Variants in AKAP6 observed in about 807,000 individuals in gnomAD.
The protein encoded by AKAP6 is A-kinase anchor protein 6.
Under a neutral mutation model 188.5 loss-of-function variants are expected in AKAP6, and 58 were observed. The ratio of observed to expected loss-of-function variants is 0.31; its 90% CI spans 0.25 to 0.38. AKAP6 has a LOEUF of 0.38. Ranked by LOEUF, AKAP6 falls within the 10% of genes least tolerant of loss-of-function variation. AKAP6 has a pLI of 1.00. For missense variants in AKAP6, 2,710 were observed against 2,740.0 expected, an observed-to-expected ratio of 0.99 and a Z score of 0.24; for synonymous variants, 989 against 998.6, an observed-to-expected ratio of 0.99 and a Z score of 0.18.
chr14:32,827,899 G>A (rs1278386983), intron 13 of AKAP6, among the ~76,000 whole-genome samples: 2 of 151,988 alleles, frequency 1.3e-5, no homozygotes, highest in South Asian at 2.1e-4. Flanking sequence ...CATCATATGC[G>A]GCCAGTGTGT....
chr14:32,511,749 C>A (rs1196957458), intron 2 of AKAP6, among the ~76,000 whole-genome samples: 1 of 152,112 alleles, frequency 6.6e-6, no homozygotes, highest in Non-Finnish European at 1.5e-5. Context: ...ATTTTTTCCT[C>A]TTTTCACTGA....
chr14:32,591,579 G>C (rs989648726), intron 5 of AKAP6, among the ~76,000 whole-genome samples: 2 of 150,684 alleles, frequency 1.3e-5, no homozygotes, highest in African/African-American at 4.9e-5. Context: ...TTTATTGTCT[G>C]AGGTTTCAGG....
intron 12 of AKAP6, among the ~76,000 whole-genome samples, chr14:32,812,456 G>T (rs546093211): frequency 1.3e-5 from 2 of 151,956 alleles, no homozygotes; most frequent in African/African-American, 4.8e-5. Context: ...AAATTCCAGG[G>T]AAACACCAAA....
intron 1 of AKAP6, among the ~76,000 whole-genome samples, chr14:32,341,190 G>GT (rs1289216921): frequency 1.3e-5 from 2 of 152,024 alleles, no homozygotes; most frequent in African/African-American, 4.8e-5. Context: ...GTTTCTATTT[G>GT]TTTTTTCTCT....
chr14:32,751,919 A>G (rs866713472), intron 11 of AKAP6, among the ~76,000 whole-genome samples: 64 of 152,334 alleles, frequency 4.2e-4, no homozygotes, highest in African/African-American at 1.4e-3. Context: ...TTTTCAAGAC[A>G]TGAATTGTTT....
intron 7 of AKAP6, among the ~76,000 whole-genome samples, chr14:32,615,663 T>C (rs1201896283): frequency 6.8e-6 from 1 of 147,196 alleles, no homozygotes; most frequent in East Asian, 2.0e-4. Flanking sequence ...TGGCACGATA[T>C]CTGCTCACTG....
chr14:32,729,662 A>T (rs1364291074), intron 9 of AKAP6, among the ~76,000 whole-genome samples: 2 of 152,170 alleles, frequency 1.3e-5, no homozygotes, highest in Non-Finnish European at 2.9e-5. Flanking sequence ...AAGCAAATAC[A>T]CTTAATAATG....
intron 7 of AKAP6, among the ~76,000 whole-genome samples, chr14:32,629,965 A>G (rs1389205035): frequency 6.6e-6 from 1 of 152,080 alleles, no homozygotes; most frequent in Non-Finnish European, 1.5e-5. Context: ...GACTTACTAA[A>G]GCGTTAGTTT....
At chr14:32,698,601 C>T (rs896391284) in intron 9 of AKAP6, among the ~76,000 whole-genome samples, 3 of 152,078 alleles carry the variant, frequency 2.0e-5, no homozygotes, top group African/African-American at 7.2e-5. Context: ...ATGTTCCCCA[C>T]TCATTGTGAC....
At chr14:32,575,924 G>A (rs1476502295) in intron 4 of AKAP6, among the ~76,000 whole-genome samples, 1 of 151,966 alleles carries the variant, frequency 6.6e-6, no homozygotes, top group South Asian at 2.1e-4. Context: ...TAAACAATTT[G>A]TGTTCCTGAG....
chr14:32,377,571 C>T (rs1888199092), intron 1 of AKAP6, among the ~76,000 whole-genome samples: 1 of 152,080 alleles, frequency 6.6e-6, no homozygotes, highest in African/African-American at 2.4e-5. Flanking sequence ...GCTATGAGTA[C>T]AGTCACAGGA....
Position 32,546,246 on chromosome 14 carries a change from T to A in AKAP6, c.1593T>A (p.Asn531Lys). ...ATACAAAGAGCTCAGCAGTGCCAAATGGAGAGCTTTCTTATACTTCCAAGG... is the reference window on the plus strand; with the variant it reads ...ATACAAAGAGCTCAGCAGTGCCAAAAGGAGAGCTTTCTTATACTTCCAAGG... ...AKNTKSSAVPNGELSYTSKAI... is the reference protein window; with the variant it reads ...AKNTKSSAVPKGELSYTSKAI... Residue 531 changes from asparagine to lysine, a missense_variant, in exon 4 of 14, where the codon AAT becomes AAA. By Grantham distance (94) the Asn-to-Lys change is moderately conservative (BLOSUM62 0). Transcript: ENST00000280979. 6.2e-7 allele frequency: 1 copy of A among 1,614,126 alleles called. No homozygotes were observed. Among genetic ancestry groups the A allele is most frequent in the Non-Finnish European group, 8.5e-7 (1 of 1,180,012 alleles).
chr14:32,564,039 T>C (rs1050295159), intron 4 of AKAP6, among the ~76,000 whole-genome samples: 1 of 152,216 alleles, frequency 6.6e-6, no homozygotes, highest in Non-Finnish European at 1.5e-5. Flanking sequence ...AAGTCCCTTA[T>C]GTAAATTGTA....
chr14:32,518,775 G>C (rs1002435527), intron 2 of AKAP6, among the ~76,000 whole-genome samples: 1 of 152,296 alleles, frequency 6.6e-6, no homozygotes, highest in South Asian at 2.1e-4. Context: ...CACTATTCAG[G>C]ATATTATCCA....
In AKAP6 at chr14:32,823,587, A is replaced by G. The variant is rs1208928165; in HGVS notation, c.5774A>G (p.Lys1925Arg). The change falls in exon 13 of 14, where the codon AAA (lysine) becomes AGA (arginine). Residue 1925 changes from lysine to arginine, a missense_variant. Physicochemically the swap from Lys to Arg is conservative, Grantham distance 26. Around this residue, in one of 2 missense-constraint regions of AKAP6, gnomAD observed 2,473 missense variants for 2,426.1 expected, o/e 1.02. Coordinates refer to ENST00000280979, the MANE Select transcript of AKAP6 (RefSeq NM_004274.5). ...TCAGAAAATCTTGGTTCACATGGGA[A>G]AGAGATTTCAGAGAGTGAGCATTGT... ...KVSENLGSHG[K>R]EISESEHCKC... is the part of the protein sequence containing the mutation. 6.2e-7 allele frequency: 1 copy of G among 1,613,846 alleles called. No individual in the cohort carries two copies. The highest frequency in any genetic ancestry group is 8.5e-7 in the Non-Finnish European group (1 of 1,179,934).
rs191310407 is a variant in AKAP6 at position 32,520,280 on chromosome 14, A to G, written c.325-15274A>G. Among the ~76,000 whole-genome samples, 435 of 152,336 alleles carry G rather than the reference A, an allele frequency of 2.9e-3. 1 individual carries two copies. The highest frequency in any genetic ancestry group is 9.9e-3 in the African/African-American group (412 of 41,576). ...AAATTGATACCCTAACATCACAATT[A>G]AAAGAACTAGAGAAGCAAGAGCAAA... On this transcript the variant is annotated intron_variant, in intron 2 of 13. Coordinates refer to ENST00000280979, the MANE Select transcript of AKAP6 (RefSeq NM_004274.5).
chr14:32,699,047 T>A (rs1461997506), intron 9 of AKAP6, among the ~76,000 whole-genome samples: 1 of 152,136 alleles, frequency 6.6e-6, no homozygotes, highest in Non-Finnish European at 1.5e-5. Flanking sequence ...ACTTATGAAG[T>A]CCTAGGTTGA....
At chr14:32,389,181 C>G (rs1161340021) in intron 1 of AKAP6, among the ~76,000 whole-genome samples, 1 of 152,072 alleles carries the variant, frequency 6.6e-6, no homozygotes, top group Non-Finnish European at 1.5e-5. Context: ...TTTTGGTGTC[C>G]ATTTGCCTGA....
At chr14:32,405,966 G>A (rs77442186) in intron 1 of AKAP6, among the ~76,000 whole-genome samples, 17 of 152,252 alleles carry the variant, frequency 1.1e-4, no homozygotes, top group Non-Finnish European at 2.2e-4. Context: ...TGACAGAATT[G>A]ATATAACTCA....
Sources: allele counts gnomAD v4.1 joint callset (sites outside exome capture counted in the v4.1 genomes callset), GRCh38; gene constraint gnomAD v4.1.1; regional missense constraint gnomAD v4.1.1; transcripts MANE v1.5; gene names NCBI Gene and HGNC (gene_info 2026-07-23, HGNC 2026-07-21).